The following SNAPC4 variants were observed in gnomAD, a reference collection of about 807,000 sequenced individuals.
SNAPC4 encodes snRNA-activating protein complex subunit 4.
Under a neutral mutation model 151.3 loss-of-function variants are expected in SNAPC4, and 127 were observed. The observed-to-expected ratio is 0.84, with a 90% confidence interval of 0.73 to 0.97. SNAPC4 has a LOEUF of 0.97. SNAPC4 is among the 50% of genes least tolerant of loss of function. The pLI is 0.00. For synonymous variants in SNAPC4, 1,002 were observed against 824.4 expected, an observed-to-expected ratio of 1.22 and a Z score of -3.69; for missense variants, 2,186 against 1,935.0, an observed-to-expected ratio of 1.13 and a Z score of -2.43.
Position 136,377,778 on chromosome 9 carries a change from AG to A in SNAPC4, c.4048del (p.Leu1350TrpfsTer57). 6.2e-7 allele frequency: 1 copy of A among 1,611,808 alleles called. No homozygotes were observed. The highest frequency in any genetic ancestry group is 8.5e-7 in the Non-Finnish European group (1 of 1,179,558). On this transcript the variant is annotated frameshift_variant, in exon 22 of 24. Coordinates refer to ENST00000684778, the MANE Select transcript of SNAPC4 (RefSeq NM_003086.4). LOFTEE classifies it high-confidence loss of function. ...PAGALQASLG[L>X]VRGQLQDNPA... ...GTTGTCCTGGAGCTGCCCCCGCACC[AG>A]CCCCAGTGAGGCTTGCAGTGCTCCG...
rs1390257460 is a variant in SNAPC4, at chr9:136,379,257, CTCTT to C, written c.2566_2569del (p.Lys856ValfsTer71). On this transcript the variant is annotated frameshift_variant, in exon 22 of 24. Coordinates refer to ENST00000684778, the MANE Select transcript of SNAPC4 (RefSeq NM_003086.4). LOFTEE classifies it high-confidence loss of function. The stretch of plus-strand genomic sequence containing the variant: ...TCTTCGGCTCCCTTTGTGGCTGGCA[CTCTT>C]TGAGGCTTCTTGAGCCGGCACGTTT... 6.2e-7 allele frequency: 1 copy of C among 1,612,504 alleles called. No homozygotes were observed. Among genetic ancestry groups the C allele is most frequent in the Non-Finnish European group, 8.5e-7 (1 of 1,179,974 alleles).
At chr9:136,399,832 G>A (rs1266979951) in intron 1 of SNAPC4, among the ~76,000 whole-genome samples, 1 of 152,218 alleles carries the variant, frequency 6.6e-6, no homozygotes, top group Admixed American at 6.5e-5. Flanking sequence ...CGGCCACCGC[G>A]GAATCGCCGG....
In SNAPC4 at chr9:136,382,048, A is replaced by G. The variant is rs539826657; in HGVS notation, c.2093T>C (p.Leu698Pro). 160 of 1,597,800 alleles carry G rather than the reference A, an allele frequency of 1.0e-4. No individual in the cohort carries two copies. The East Asian group carries it at 3.5e-3, about 35-fold the overall frequency. ...TQKEQLRQPP[L>P]PTSSPGVSSG... ...GCTGACCCCTGGGGATGAGGTGGGCAGGGGTGGCTGCCTCAGCTGCTCTTT... is the reference window on the plus strand; with the variant it reads ...GCTGACCCCTGGGGATGAGGTGGGCGGGGGTGGCTGCCTCAGCTGCTCTTT... Residue 698 changes from leucine (L) to proline (P), a missense_variant, in exon 18 of 24, where the codon CTG (leucine) becomes CCG (proline). By Grantham distance (98) the Leu-to-Pro change is moderately conservative (BLOSUM62 -3). Coordinates refer to ENST00000684778, the MANE Select transcript of SNAPC4 (RefSeq NM_003086.4).
In SNAPC4 at chr9:136,387,202, G is replaced by A. The variant is rs1297212305; in HGVS notation, c.1325+283C>T. Among the ~76,000 whole-genome samples, 5 of 152,342 alleles carry A rather than the reference G, an allele frequency of 3.3e-5. No individual in the cohort carries two copies. The East Asian group carries it at 9.7e-4, about 29-fold the overall frequency. Reference sequence around the variant, plus strand: ...TTCTGAGAGAACTGAGACAACTAGGGTCAGGAAAAGCCGCCCAGGGAGCTG... The same window carrying A: ...TTCTGAGAGAACTGAGACAACTAGGATCAGGAAAAGCCGCCCAGGGAGCTG... On this transcript the variant is annotated intron_variant, in intron 13 of 23. Transcript: ENST00000684778.
chr9:136,378,512 G>C lies in SNAPC4; in HGVS notation c.3315C>G (p.Pro1105=). The change falls in exon 22 of 24, where the codon CCC becomes CCG. Residue 1105 remains proline (P), a synonymous_variant. Transcript: ENST00000684778. ...SLPRPAGTPG[P]AGLLATLLPP... ...GCAGCAGAGTGGCCAGCAGCCCTGC[G>C]GGGCCAGGGGTCCCTGCTGGCCTGG... 6.3e-7 allele frequency: 1 copy of C among 1,591,386 alleles called. No homozygotes were observed. Among genetic ancestry groups the C allele is most frequent in the South Asian group, 1.1e-5 (1 of 89,636 alleles).
intron 7 of SNAPC4, among the ~76,000 whole-genome samples, chr9:136,394,012 G>A (rs1834172385): frequency 1.3e-5 from 2 of 152,212 alleles, no homozygotes; most frequent in African/African-American, 2.4e-5. Context: ...TGACCTCCTG[G>A]GATCAATCGA....
chr9:136,394,834 C>A lies in SNAPC4; in HGVS notation c.516G>T (p.Gly172=). ...CAAGGAGCTCCTCGAAAGCCTTGAT[C>A]CCCTGGGCAGCCTTCTCTCGTGTGT... ...NEDTREKAAQ[G]IKAFEELLVT... Residue 172 remains glycine, a synonymous_variant, in exon 6 of 24, where the codon GGG becomes GGT. Coordinates refer to ENST00000684778, the MANE Select transcript of SNAPC4 (RefSeq NM_003086.4). The A allele has an allele frequency of 3.1e-6, 5 of 1,613,972 alleles. No individual in the cohort carries two copies. Among genetic ancestry groups the A allele is most frequent in the African/African-American group, 1.3e-5 (1 of 75,060 alleles).
At chr9:136,387,655 A>G in intron 12 of SNAPC4, 76 bp from the exon 13 acceptor site, 2 of 1,384,214 alleles carry the variant, frequency 1.4e-6, no homozygotes, top group Non-Finnish European at 2.1e-6. Context: ...ACCCAGTCAG[A>G]GAAGGGACCA....
In SNAPC4 at chr9:136,378,801, AGGGCAGGGGCTTG is replaced by A; in HGVS notation, c.3013_3025del (p.Gln1005TrpfsTer8). On this transcript the variant is annotated frameshift_variant, in exon 22 of 24. Transcript: ENST00000684778. LOFTEE classifies it high-confidence loss of function. Reference sequence around the variant, plus strand: ...GCTCACAGAGATCTGGCCGGGGCCCAGGGCAGGGGCTTGGGAAGCAGCAGGGGCTGTGCCCTCG... The same window carrying A: ...GCTCACAGAGATCTGGCCGGGGCCCAGGAAGCAGCAGGGGCTGTGCCCTCG... 1 of 1,576,972 alleles carries A rather than the reference AGGGCAGGGGCTTG, an allele frequency of 6.3e-7. No individual in the cohort carries two copies. Among genetic ancestry groups the A allele is most frequent in the Non-Finnish European group, 8.6e-7 (1 of 1,161,004 alleles).
rs148782640 is a variant in SNAPC4 at position 136,397,856 on chromosome 9, C to T, written c.130+443G>A. Among the ~76,000 whole-genome samples, 598 of 152,076 alleles carry T rather than the reference C, an allele frequency of 3.9e-3. 3 individuals are homozygous for T. The highest frequency in any genetic ancestry group is 0.014 in the African/African-American group (569 of 41,452). On this transcript the variant is annotated intron_variant, in intron 2 of 23. Transcript: ENST00000684778. ...CATCTGGTGAGGTTCAGGCCTGCCC[C>T]CTCCTCCCAGGATGGTCCACTCCAG...
chr9:136,385,784 G>C (rs1319025094), intron 13 of SNAPC4, among the ~76,000 whole-genome samples: 2 of 152,094 alleles, frequency 1.3e-5, no homozygotes, highest in Admixed American at 1.3e-4. Flanking sequence ...TTGAACTCCT[G>C]ACCTCATGAT....
At position 136,383,377 on chromosome 9, in the gene SNAPC4, G is replaced by A. The variant is rs1236867590; in HGVS notation, c.1792C>T (p.Leu598Phe). The stretch of plus-strand genomic sequence containing the variant: ...GCACTGGACCCCTTGGGAGGGCTGA[G>A]GGAGGCAGCGGGGCCTCCCAGCCAG... ...GAWLGGPAAS[L>F]SPPKGSSASQ... Residue 598 changes from leucine to phenylalanine, a missense_variant, in exon 16 of 24, where the codon CTC becomes TTC. Physicochemically the swap from Leu to Phe is conservative, Grantham distance 22. Transcript: ENST00000684778. The surrounding 1 kb of genome is among the most constrained non-coding windows in gnomAD (Gnocchi z 4.2). The A allele has an allele frequency of 1.3e-6, 2 of 1,595,076 alleles. No individual in the cohort carries two copies. Among genetic ancestry groups the A allele is most frequent in the Middle Eastern group, 1.7e-4 (1 of 5,892 alleles).
chr9:136,389,382 C>T (rs1285050963), intron 10 of SNAPC4, among the ~76,000 whole-genome samples: 1 of 152,030 alleles, frequency 6.6e-6, no homozygotes, highest in African/African-American at 2.4e-5. Flanking sequence ...TTTGCTTTTT[C>T]TGAAAGTGAG....
At chr9:136,382,813 G>C (rs1160186108) in intron 16 of SNAPC4, among the ~76,000 whole-genome samples, 8 of 152,208 alleles carry the variant, frequency 5.3e-5, no homozygotes, top group African/African-American at 1.7e-4. Flanking sequence ...AGCCAGGCTT[G>C]TCCCAAGCAG....
chr9:136,397,493 T>G (rs1588770009), intron 2 of SNAPC4, among the ~76,000 whole-genome samples: 2 of 111,268 alleles, frequency 1.8e-5, no homozygotes, highest in South Asian at 3.1e-4. Flanking sequence ...CAGCAGCTGG[T>G]GGGGTTGGGG....
At chr9:136,396,740 C>T (rs1834287153) in intron 3 of SNAPC4, among the ~76,000 whole-genome samples, 1 of 152,222 alleles carries the variant, frequency 6.6e-6, no homozygotes, top group Non-Finnish European at 1.5e-5. Flanking sequence ...GAGACAGAGG[C>T]ATACAGCAAT....
intron 23 of SNAPC4, 107 bp downstream of exon 23, chr9:136,376,242 C>A: frequency 7.3e-7 from 1 of 1,375,176 alleles, no homozygotes. Context: ...ACCCAGCACA[C>A]CTGCTGTGAG....
chr9:136,392,191 C>T (rs116740551), intron 9 of SNAPC4, 85 bp from the exon 10 acceptor site: 18 of 1,542,282 alleles, frequency 1.2e-5, no homozygotes, highest in African/African-American at 4.1e-5. Context: ...TGTTGCTCTC[C>T]GCCAGCTGGA....
intron 8 of SNAPC4, 27 bp from the exon 9 acceptor site, chr9:136,392,621 A>C: frequency 1.2e-6 from 2 of 1,613,662 alleles, no homozygotes; most frequent in Non-Finnish European, 1.7e-6. Flanking sequence ...GGGTATTGGC[A>C]CCACGCCTGG....
Sources: gnomAD v4.1 joint callset for allele counts (sites outside exome capture counted in the v4.1 genomes callset) on GRCh38, gnomAD v4.1.1 for gene constraint, Gnocchi (gnomAD v3.1) non-coding constraint, MANE v1.5 for transcripts, NCBI Gene and HGNC (gene_info 2026-07-23, HGNC 2026-07-21) for gene names.